ADGRD2: variants seen among roughly 807,000 people sequenced by gnomAD.
ADGRD2 encodes the protein adhesion G protein-coupled receptor D2, also known as G protein-coupled receptor PGR24.
In ADGRD2, 71 loss-of-function variants were observed where a neutral mutation model predicts 44.4. The ratio of observed to expected loss-of-function variants is 1.60; its 90% CI spans 1.32 to 1.95. The LOEUF (loss-of-function observed/expected upper bound fraction) is 1.95. ADGRD2 is among the 30% of genes most tolerant of loss of function. The pLI, the probability that ADGRD2 is intolerant of heterozygous loss-of-function variation, is 0.00. For synonymous variants in ADGRD2, 481 were observed against 224.8 expected (o/e 2.14, Z -10.19); for missense variants, 1,039 against 512.4 (o/e 2.03, Z -9.92).
chr9:124,468,616 T>C (rs1345200995), exon 14 of ADGRD2: 1 of 718,188 alleles, frequency 1.4e-6, no homozygotes, highest in Non-Finnish European at 2.6e-6. Flanking sequence ...AGGAAGGTGG[T>C]AGCTGTGAGC....
At chr9:124,467,588 G>A (rs1831848800) in intron 11 of ADGRD2, 133 bp from the exon 15 acceptor site, 1 of 638,434 alleles carries the variant, frequency 1.6e-6, no homozygotes, top group East Asian at 2.7e-5. Flanking sequence ...GTGCAGGCCT[G>A]GGTCCTGCTG....
chr9:124,455,241 C>T (rs1028559864), intron 6 of ADGRD2, 114 bp downstream of exon 9: 76 of 584,902 alleles, frequency 1.3e-4, no homozygotes, highest in Non-Finnish European at 2.0e-4. Flanking sequence ...TCCATCTCTG[C>T]GTCTATCCTG....
chr9:124,476,743 CT>C (rs1564144895), intron 21 of ADGRD2, 34 bp downstream of exon 24: 4 of 691,426 alleles, frequency 5.8e-6, no homozygotes, highest in Non-Finnish European at 1.1e-5. Context: ...CCCCTCTTTT[CT>C]TTTTGGGCCT....
At chr9:124,455,886 C>T (rs1347252414) in intron 6 of ADGRD2, among the ~76,000 whole-genome samples, 1 of 152,112 alleles carries the variant, frequency 6.6e-6, no homozygotes, top group Non-Finnish European at 1.5e-5. Context: ...ATGAACAGTG[C>T]CTGCAAATTA....
At chr9:124,459,256 C>T (rs1831679253) in intron 10 of ADGRD2, among the ~76,000 whole-genome samples, 2 of 152,152 alleles carry the variant, frequency 1.3e-5, no homozygotes, top group South Asian at 4.1e-4. Context: ...CTTTGGGAGG[C>T]CGAGGCGGGC....
rs1203566932 is a variant in ADGRD2, at chr9:124,454,102, G to T, written c.1022+5G>T. Reference sequence around the variant, plus strand: ...TCCTCTGCTGCTACCGGACAGGTGCGCCCTGGCTGTACCCCTGGGCTCTGC... The same window carrying T: ...TCCTCTGCTGCTACCGGACAGGTGCTCCCTGGCTGTACCCCTGGGCTCTGC... On this transcript the variant is annotated splice_donor_5th_base_variant and intron_variant, in intron 4 of 21. Transcript: ENST00000334810. This position sits in a 1 kb window ranked among gnomAD's most constrained non-coding sequence, Gnocchi z 4.5. 1 of 694,494 alleles carries T rather than the reference G, an allele frequency of 1.4e-6. No individual in the cohort carries two copies. The highest frequency in any genetic ancestry group is 1.6e-5 in the South Asian group (1 of 63,656). The allele number at this position is 694,494 out of a possible 1,614,324, so 43.0% of individuals were successfully genotyped here.
chr9:124,453,035 G>A (rs1263217852), exon 3 of ADGRD2: 4 of 659,350 alleles, frequency 6.1e-6, no homozygotes, highest in African/African-American at 5.3e-5. Context: ...GTCCCTGCAG[G>A]TGCGCGCACC....
intron 10 of ADGRD2, among the ~76,000 whole-genome samples, chr9:124,463,578 T>A (rs1831757817): frequency 6.6e-6 from 1 of 152,260 alleles, no homozygotes; most frequent in Non-Finnish European, 1.5e-5. Flanking sequence ...CCTCGTGTGT[T>A]CTTTGTGGAA....
chr9:124,453,489 G>GGTTGC lies in ADGRD2; in HGVS notation c.736_737insGTTGC (p.Arg247ValfsTer20). ...ACTCTCTGGGCGGTGGCTTCTCGGTGCGTCACGCCCTCAGCGGCAACCTCA... is the reference window on the plus strand; with the variant it reads ...ACTCTCTGGGCGGTGGCTTCTCGGTGGTTGCCGTCACGCCCTCAGCGGCAACCTCA... On this transcript the variant is annotated frameshift_variant, in exon 3 of 22. Transcript: ENST00000334810. LOFTEE classifies it high-confidence loss of function. The GGTTGC allele has an allele frequency of 1.4e-6, 1 of 704,256 alleles. No homozygotes were observed. The highest frequency in any genetic ancestry group is 2.6e-6 in the Non-Finnish European group (1 of 381,978). 43.6% of individuals were successfully genotyped at this position (704,256 alleles called of 1,614,324 possible). A position where few individuals can be genotyped will look rare whatever the true frequency, so the allele number is the denominator to read the frequency against.
intron 17 of ADGRD2, 88 bp from the exon 21 acceptor site, chr9:124,475,358 G>A (rs756530045): frequency 1.8e-4 from 121 of 659,330 alleles, no homozygotes; most frequent in Non-Finnish European, 2.9e-4. Context: ...CTCTGCCACT[G>A]GGAGGCGCCG....
chr9:124,474,240 A>T (rs1156755415), intron 17 of ADGRD2, among the ~76,000 whole-genome samples: 10 of 138,196 alleles, frequency 7.2e-5, no homozygotes, highest in Non-Finnish European at 1.4e-4. Context: ...GTGCCATTGC[A>T]CTCCAGCCTG....
chr9:124,476,559 G>GC lies in ADGRD2; in HGVS notation c.2905-117dup. 7.8e-6 allele frequency: 5 copies of GC among 640,800 alleles called. No individual in the cohort carries two copies. The South Asian group carries it at 8.5e-5, about 11-fold the overall frequency. 39.7% of individuals were successfully genotyped at this position (640,800 alleles called of 1,614,324 possible). On this transcript the variant is annotated intron_variant, in intron 20 of 21. Transcript: ENST00000334810. ...TGTTTCTCTGTTCTTGGGCTGAAGG[G>GC]CCCAGGGAGGGGGAGCTGCTGGCGG...
chr9:124,454,391 G>T lies in ADGRD2; in HGVS notation c.1023-93G>T. 1 of 656,416 alleles carries T rather than the reference G, an allele frequency of 1.5e-6. No individual in the cohort carries two copies. 40.7% of individuals were successfully genotyped at this position (656,416 alleles called of 1,614,324 possible). A position where few individuals can be genotyped will look rare whatever the true frequency, so the allele number is the denominator to read the frequency against. ...CCATCAAGGTGCTCTTCCTTCCCTG[G>T]GCAGCACGTGGTGGGTGGAGGTCAC... On this transcript the variant is annotated intron_variant, in intron 4 of 21. Transcript: ENST00000334810. This position sits in a 1 kb window ranked among gnomAD's most constrained non-coding sequence, Gnocchi z 4.5.
At chr9:124,468,628 T>A in exon 14 of ADGRD2, 1 of 718,254 alleles carries the variant, frequency 1.4e-6, no homozygotes, top group South Asian at 1.5e-5. Flanking sequence ...GCTGTGAGCA[T>A]GCACCCGGGC....
At chr9:124,461,918 T>C (rs1402288984) in intron 10 of ADGRD2, among the ~76,000 whole-genome samples, 2 of 152,134 alleles carry the variant, frequency 1.3e-5, no homozygotes, top group African/African-American at 4.8e-5. Context: ...ATCAATTTTT[T>C]GTATTTTTAG....
exon 2 of ADGRD2, chr9:124,452,553 G>A (rs1277591662): frequency 4.2e-6 from 3 of 718,570 alleles, no homozygotes; most frequent in South Asian, 1.5e-5. Context: ...CAGGTGGGGT[G>A]TGCAAGTTCT....
At chr9:124,458,788 C>A in intron 10 of ADGRD2, 67 bp downstream of exon 13, 1 of 694,730 alleles carries the variant, frequency 1.4e-6, no homozygotes, top group South Asian at 1.5e-5. Context: ...TCCCCCAACC[C>A]CCAGTATTTA....
Position 124,469,211 on chromosome 9 carries a change from C to T in ADGRD2, c.2388-11C>T. 2.8e-6 allele frequency: 2 copies of T among 708,836 alleles called. No individual in the cohort carries two copies. The highest frequency in any genetic ancestry group is 3.0e-5 in the South Asian group (2 of 67,344). The allele number at this position is 708,836 out of a possible 1,614,324, so 43.9% of individuals were successfully genotyped here. A position where few individuals can be genotyped will look rare whatever the true frequency, so the allele number is the denominator to read the frequency against. ...TGACCCAGCCTTGAGGCCCCCTTCT[C>T]CCTCTCCCAGGCGTGCCTGTGGGCA... On this transcript the variant is annotated splice_polypyrimidine_tract_variant and intron_variant, in intron 14 of 21. Transcript: ENST00000334810.
chr9:124,455,502 A>G (rs1279552001), intron 6 of ADGRD2, among the ~76,000 whole-genome samples: 1 of 152,112 alleles, frequency 6.6e-6, no homozygotes, highest in Non-Finnish European at 1.5e-5. Flanking sequence ...ATGCAGGAGA[A>G]TCACTTAAAC....
Sources: allele counts gnomAD v4.1 joint callset (sites outside exome capture counted in the v4.1 genomes callset), GRCh38; gene constraint gnomAD v4.1.1; non-coding constraint Gnocchi (gnomAD v3.1); transcripts MANE v1.5; gene names NCBI Gene and HGNC (gene_info 2026-07-23, HGNC 2026-07-21).